Variants in HPSE2 observed in about 807,000 individuals in gnomAD.
The protein encoded by HPSE2 is heparanase 2 (inactive).
Under a neutral mutation model 60.5 loss-of-function variants are expected in HPSE2, and 38 were observed. That is an observed-to-expected ratio of 0.63 (90% CI 0.48 to 0.82). HPSE2 has a LOEUF of 0.82. Among genes scored for constraint, HPSE2 ranks in the 40% least tolerant of loss-of-function variants. The probability of loss-of-function intolerance (pLI) is 0.00; values close to 1 mark genes in which losing one functional copy is unlikely to be tolerated. For missense variants in HPSE2, 713 were observed against 740.4 expected (o/e 0.96, Z 0.43); for synonymous variants, 295 against 293.2 (o/e 1.01, Z -0.06).
intron 2 of HPSE2, among the ~76,000 whole-genome samples, chr10:99,153,872 T>C (rs1254698264): frequency 6.6e-6 from 1 of 150,968 alleles, no homozygotes; most frequent in African/African-American, 2.4e-5. Flanking sequence ...TAGAAGAATG[T>C]ATAACTAGAA....
chr10:98,684,648 C>T (rs1169483520), intron 6 of HPSE2, among the ~76,000 whole-genome samples: 1 of 152,012 alleles, frequency 6.6e-6, no homozygotes, highest in East Asian at 1.9e-4. Flanking sequence ...GAGCTAAATT[C>T]TCATCTTCCA....
intron 3 of HPSE2, among the ~76,000 whole-genome samples, chr10:98,759,556 C>A (rs898468814): frequency 6.6e-6 from 1 of 152,054 alleles, no homozygotes; most frequent in East Asian, 1.9e-4. Flanking sequence ...ATTATCTCTT[C>A]CCCATTGTGA....
intron 3 of HPSE2, among the ~76,000 whole-genome samples, chr10:99,102,822 T>A (rs1844066519): frequency 6.6e-6 from 1 of 152,118 alleles, no homozygotes; most frequent in Admixed American, 6.5e-5. Flanking sequence ...ACAAGGCTGG[T>A]TCAACATATG....
At chr10:98,865,039 T>C (rs1252199936) in intron 3 of HPSE2, among the ~76,000 whole-genome samples, 1 of 152,134 alleles carries the variant, frequency 6.6e-6, no homozygotes, top group Non-Finnish European at 1.5e-5. Context: ...TTTATCAATG[T>C]TGTCACAAGA....
At chr10:99,219,699 T>C (rs1266676533) in intron 2 of HPSE2, among the ~76,000 whole-genome samples, 3 of 152,234 alleles carry the variant, frequency 2.0e-5, no homozygotes, top group African/African-American at 7.2e-5. Flanking sequence ...AAAATGGAGA[T>C]GCCAACTTAA....
At chr10:98,933,734 TTTTC>T (rs1954708015) in intron 3 of HPSE2, among the ~76,000 whole-genome samples, 2 of 140,766 alleles carry the variant, frequency 1.4e-5, no homozygotes, top group Non-Finnish European at 3.0e-5. Context: ...TTTCTTTTTC[TTTTC>T]TTTTTTTTTT....
intron 2 of HPSE2, among the ~76,000 whole-genome samples, chr10:99,202,922 GGAGA>G (rs1255621738): frequency 6.6e-6 from 1 of 151,834 alleles, no homozygotes; most frequent in East Asian, 1.9e-4. Context: ...AGCACATCAT[GGAGA>G]GAGAAGGAAA....
chr10:98,542,828 T>C (rs201913515), intron 9 of HPSE2, among the ~76,000 whole-genome samples: 1 of 149,198 alleles, frequency 6.7e-6, no homozygotes, highest in Non-Finnish European at 1.5e-5. Context: ...TGGGACTATG[T>C]GAAAAGACCA....
intron 6 of HPSE2, among the ~76,000 whole-genome samples, chr10:98,689,668 AT>A (rs964124179): frequency 4.0e-5 from 6 of 151,736 alleles, no homozygotes; most frequent in African/African-American, 1.5e-4. Flanking sequence ...AATTTTTTTT[AT>A]TGTATGTAGC....
At chr10:99,071,437 G>C (rs889335396) in intron 3 of HPSE2, among the ~76,000 whole-genome samples, 1 of 152,108 alleles carries the variant, frequency 6.6e-6, no homozygotes, top group Non-Finnish European at 1.5e-5. Context: ...ATTCCCACCA[G>C]CTGAGTACAA....
At chr10:98,585,276 C>CT (rs35472307) in intron 9 of HPSE2, among the ~76,000 whole-genome samples, 74,628 of 144,076 alleles carry the variant, frequency 0.52, 22,359 homozygotes, top group Non-Finnish European at 0.68. Context: ...AAAGTAGTGT[C>CT]TTTTTTTTTT....
intron 3 of HPSE2, among the ~76,000 whole-genome samples, chr10:98,880,436 T>C (rs1216043050): frequency 6.6e-6 from 1 of 151,612 alleles, no homozygotes; most frequent in East Asian, 2.0e-4. Context: ...AACTCATGCC[T>C]GTTAGGGTTA....
At chr10:98,945,020 C>T (rs1258775972) in intron 3 of HPSE2, among the ~76,000 whole-genome samples, 1 of 152,100 alleles carries the variant, frequency 6.6e-6, no homozygotes, top group Non-Finnish European at 1.5e-5. Context: ...ACAATGGTTG[C>T]TCAATCAACT....
intron 3 of HPSE2, among the ~76,000 whole-genome samples, chr10:98,835,143 A>C (rs974430056): frequency 2.8e-4 from 42 of 152,126 alleles, no homozygotes; most frequent in Non-Finnish European, 5.9e-5. Flanking sequence ...AAAGAGATGG[A>C]ACCTGACTGT....
intron 3 of HPSE2, among the ~76,000 whole-genome samples, chr10:98,777,729 G>A (rs1950372403): frequency 1.3e-5 from 2 of 152,138 alleles, no homozygotes; most frequent in Admixed American, 1.3e-4. Context: ...GAGCAACCCA[G>A]AGGTTGTTTA....
intron 4 of HPSE2, among the ~76,000 whole-genome samples, chr10:98,736,554 TA>T (rs1208993377): frequency 6.6e-6 from 1 of 152,202 alleles, no homozygotes; most frequent in Non-Finnish European, 1.5e-5. Flanking sequence ...CTTAAGTGCT[TA>T]AAAATGTAAG....
chr10:98,736,349 G>A (rs772401313), intron 4 of HPSE2, among the ~76,000 whole-genome samples: 5 of 151,876 alleles, frequency 3.3e-5, no homozygotes, highest in African/African-American at 9.7e-5. Flanking sequence ...ACCTAGTCTC[G>A]AGTATGTCTT....
intron 3 of HPSE2, among the ~76,000 whole-genome samples, chr10:99,038,075 G>A (rs1041218078): frequency 2.0e-4 from 30 of 152,200 alleles, no homozygotes; most frequent in African/African-American, 7.0e-4. Context: ...CATTTTGTAA[G>A]AGTGTGAAAA....
At chr10:98,782,508 TG>T (rs1950495229) in intron 3 of HPSE2, among the ~76,000 whole-genome samples, 1 of 142,568 alleles carries the variant, frequency 7.0e-6, no homozygotes, top group African/African-American at 2.7e-5. Context: ...TTTGTGTATG[TG>T]GAAGGAGAGA....
Sources: allele counts gnomAD v4.1 joint callset (sites outside exome capture counted in the v4.1 genomes callset), GRCh38; gene constraint gnomAD v4.1.1; transcripts MANE v1.5; gene names NCBI Gene and HGNC (gene_info 2026-07-23, HGNC 2026-07-21).